The following ELAC2 variants were observed in gnomAD, a reference collection of about 807,000 sequenced individuals.
ELAC2 encodes elaC ribonuclease Z 2, also known as zinc phosphodiesterase ELAC protein 2.
A neutral mutation model predicts 105.2 loss-of-function variants in ELAC2; 92 were observed. The ratio of observed to expected loss-of-function variants is 0.87; its 90% CI spans 0.74 to 1.04. The LOEUF is 1.04. ELAC2 is among the 50% of genes least tolerant of loss of function. The pLI is 0.00. For synonymous variants in ELAC2, 468 were observed against 409.1 expected (o/e 1.14, Z -1.74); for missense variants, 1,099 against 1,071.7 (o/e 1.03, Z -0.36).
At chr17:13,001,512 T>A (rs993445025) in intron 14 of ELAC2, among the ~76,000 whole-genome samples, 31 of 151,308 alleles carry the variant, frequency 2.0e-4, no homozygotes, top group Admixed American at 5.3e-4. Flanking sequence ...AATAAATAAA[T>A]AAAATAAATA....
intron 8 of ELAC2, chr17:13,006,605 A>AG (rs1195986296): frequency 6.3e-6 from 1 of 158,190 alleles, no homozygotes; most frequent in African/African-American, 2.4e-5. Flanking sequence ...ATCATTGAGG[A>AG]GAAACACTGT....
chr17:13,000,157 T>C lies in ELAC2; in HGVS notation c.1422A>G (p.Ala474=), dbSNP rs758768902. 1 of 1,613,322 alleles carries C rather than the reference T, an allele frequency of 6.2e-7. No individual in the cohort carries two copies. The highest frequency in any genetic ancestry group is 1.7e-5 in the Admixed American group (1 of 60,028). ...GCTGCTCTGTGGGCTCCCACTCACC[T>C]GCTGGGGCTGGGCCGTCCTGCGCAC... ...RRSAQDGPAP[A]EKRSQYPEII... Residue 474 remains alanine, a splice_region_variant and synonymous_variant, in exon 15 of 24, where the codon GCA becomes GCG. Coordinates refer to ENST00000338034, the MANE Select transcript of ELAC2 (RefSeq NM_018127.7).
chr17:13,017,335 G>A, intron 1 of ELAC2: 1 of 643,120 alleles, frequency 1.6e-6, no homozygotes, highest in South Asian at 2.0e-5. Flanking sequence ...GTGGGTGCTA[G>A]GACAAAATGA....
chr17:12,999,886 C>T (rs1190024692), intron 15 of ELAC2, among the ~76,000 whole-genome samples: 1 of 152,114 alleles, frequency 6.6e-6, no homozygotes, highest in South Asian at 2.1e-4. Flanking sequence ...CTCGATCTCC[C>T]GACCTCGCGA....
intron 11 of ELAC2, 97 bp downstream of exon 11, chr17:13,004,892 G>T: frequency 1.0e-6 from 1 of 987,944 alleles, no homozygotes; most frequent in Non-Finnish European, 1.6e-6. Context: ...CCAGATAGTG[G>T]TCTTCCCAGA....
At position 12,998,507 on chromosome 17, in the gene ELAC2, C is replaced by G; in HGVS notation, c.1425G>C (p.Glu475Asp). The G allele has an allele frequency of 1.2e-6, 2 of 1,613,944 alleles. No homozygotes were observed. The highest frequency in any genetic ancestry group is 1.7e-6 in the Non-Finnish European group (2 of 1,179,838). The change falls in exon 16 of 24, where the codon GAG (glutamate) becomes GAC (aspartate). Residue 475 changes from glutamate (E) to aspartate (D), a missense_variant and splice_region_variant. Glu to Asp is a conservative substitution (Grantham distance 45). Coordinates refer to ENST00000338034, the MANE Select transcript of ELAC2 (RefSeq NM_018127.7). ...TGATTTCTGGGTACTGACTTCTTTT[C>G]TCTGTGAAAAAATCCATGTGAAACA... ...RSAQDGPAPA[E>D]KRSQYPEIIF... is the part of the protein sequence containing the mutation.
chr17:13,004,419 A>G (rs1003760495), intron 11 of ELAC2, among the ~76,000 whole-genome samples: 1 of 152,148 alleles, frequency 6.6e-6, no homozygotes, highest in African/African-American at 2.4e-5. Context: ...TAAACCATTA[A>G]GAGTGGGGGA....
rs1482535000 is a variant in ELAC2, at chr17:13,011,785, G to C, written c.560-3C>G. The C allele has an allele frequency of 6.2e-7, 1 of 1,614,152 alleles. No individual in the cohort carries two copies. The highest frequency in any genetic ancestry group is 8.5e-7 in the Non-Finnish European group (1 of 1,180,038). The stretch of plus-strand genomic sequence containing the variant: ...GTGCTTTCCCCTCCTCTGTTCACCT[G>C]GTCAGTACAGATACCACCAAATTAC... On this transcript the variant is annotated splice_polypyrimidine_tract_variant and splice_region_variant and intron_variant, in intron 6 of 23. Coordinates refer to ENST00000338034, the MANE Select transcript of ELAC2 (RefSeq NM_018127.7).
At position 12,994,947 on chromosome 17, in the gene ELAC2, C is replaced by T. The variant is rs773964699; in HGVS notation, c.1908+16G>A. The T allele has an allele frequency of 1.7e-4, 279 of 1,614,030 alleles. 1 individual carries two copies. Among genetic ancestry groups the T allele is most frequent in the Non-Finnish European group, 2.2e-4 (265 of 1,180,052 alleles). On this transcript the variant is annotated intron_variant, in intron 20 of 23. Transcript: ENST00000338034. ...CCCCACCTCGCCCCCATGATGCCTG[C>T]GGCTGTGCCCCTTACCTCTTCCAAA... is the stretch of plus-strand genomic sequence containing the variant.
intron 1 of ELAC2, 90 bp downstream of exon 1, chr17:13,017,613 G>C: frequency 6.3e-7 from 1 of 1,595,818 alleles, no homozygotes; most frequent in Non-Finnish European, 8.5e-7. Context: ...GTGTGAAGCA[G>C]GGAAGCCGAA....
In ELAC2 at chr17:12,992,436, G is replaced by T; in HGVS notation, c.*382C>A. On this transcript the variant is annotated 3_prime_UTR_variant, in exon 24 of 24. Coordinates refer to ENST00000338034, the MANE Select transcript of ELAC2 (RefSeq NM_018127.7). ...GCAGCTGAAATACTATTTTCGTTAA[G>T]TCTCGGACACTTAGACCCACTGATC... The T allele has an allele frequency of 2.6e-6, 1 of 390,454 alleles. No individual in the cohort carries two copies. Among genetic ancestry groups the T allele is most frequent in the East Asian group, 4.3e-5 (1 of 23,248 alleles). The allele number at this position is 390,454 out of a possible 1,614,324, so 24.2% of individuals were successfully genotyped here.
At chr17:13,013,098 G>C in intron 6 of ELAC2, 109 bp downstream of exon 6, 2 of 1,268,826 alleles carry the variant, frequency 1.6e-6, no homozygotes, top group South Asian at 2.5e-5. Flanking sequence ...ATCATGCTCA[G>C]AACACAAAAC....
At chr17:13,007,196 T>C (rs1363369238) in intron 8 of ELAC2, among the ~76,000 whole-genome samples, 1 of 151,414 alleles carries the variant, frequency 6.6e-6, no homozygotes, top group Non-Finnish European at 1.5e-5. Flanking sequence ...AACTTCACAA[T>C]CATTTTATAG....
At chr17:13,016,303 G>T (rs922869679) in intron 3 of ELAC2, among the ~76,000 whole-genome samples, 1 of 152,196 alleles carries the variant, frequency 6.6e-6, no homozygotes, top group Non-Finnish European at 1.5e-5. Context: ...TGCCAATGGC[G>T]TCTGCGGTAA....
At position 12,992,906 on chromosome 17, in the gene ELAC2, T is replaced by A. The variant is rs773219330; in HGVS notation, c.2393A>T (p.Glu798Val). The A allele has an allele frequency of 2.3e-5, 37 of 1,611,730 alleles. No homozygotes were observed. The highest frequency in any genetic ancestry group is 2.7e-5 in the African/African-American group (2 of 74,862). ...RQVRAALLSR[E>V]LAGGLEDGEP... ...CCCATCCTCCAGGCCGCCTGCCAGCTCCCTGGACAGGAGGGCCGCCCGCAC... is the reference window on the plus strand; with the variant it reads ...CCCATCCTCCAGGCCGCCTGCCAGCACCCTGGACAGGAGGGCCGCCCGCAC... Residue 798 changes from glutamate to valine, a missense_variant, in exon 24 of 24, where the codon GAG (glutamate) becomes GTG (valine). By Grantham distance (121) the Glu-to-Val change is moderately radical. Transcript: ENST00000338034.
intron 6 of ELAC2, among the ~76,000 whole-genome samples, chr17:13,012,318 C>T (rs2041460386): frequency 6.6e-6 from 1 of 152,186 alleles, no homozygotes. Flanking sequence ...TGTCACATGC[C>T]ATGGAGCGAA....
intron 14 of ELAC2, 128 bp from the exon 15 acceptor site, chr17:13,000,402 G>T: frequency 1.1e-6 from 1 of 876,592 alleles, no homozygotes; most frequent in Non-Finnish European, 1.9e-6. Flanking sequence ...CAACACTGAA[G>T]GTTAAGTGAC....
intron 11 of ELAC2, chr17:13,004,236 G>A (rs2040983784): frequency 6.4e-6 from 1 of 156,750 alleles, no homozygotes; most frequent in Non-Finnish European, 1.4e-5. Context: ...TACAAAGCCG[G>A]GGCTACCAGC....
intron 22 of ELAC2, 45 bp from the exon 23 acceptor site, chr17:12,993,876 A>C (rs2040331390): frequency 6.2e-7 from 1 of 1,613,602 alleles, no homozygotes; most frequent in African/African-American, 1.3e-5. Context: ...CTCAACTGCA[A>C]GACTGCAAAG....
Sources: gnomAD v4.1 joint callset for allele counts (sites outside exome capture counted in the v4.1 genomes callset) on GRCh38, gnomAD v4.1.1 for gene constraint, MANE v1.5 for transcripts, NCBI Gene and HGNC (gene_info 2026-07-23, HGNC 2026-07-21) for gene names.